NALF1: variants seen among roughly 807,000 people sequenced by gnomAD.
The protein encoded by NALF1 is NALCN channel auxiliary factor 1, also known as family with sequence similarity 155 member A.
In NALF1, 3 loss-of-function variants were observed where a neutral mutation model predicts 48.4. The ratio of observed to expected loss-of-function variants is 0.06; its 90% CI spans 0.03 to 0.16. NALF1 has a LOEUF of 0.16. NALF1 is among the 10% of genes least tolerant of loss of function. The probability of loss-of-function intolerance (pLI) is 1.00; values close to 1 mark genes in which losing one functional copy is unlikely to be tolerated. For missense variants in NALF1, 526 were observed against 571.5 expected (o/e 0.92, Z 0.81); for synonymous variants, 262 against 245.7 (o/e 1.07, Z -0.62).
intron 1 of NALF1, among the ~76,000 whole-genome samples, chr13:107,728,719 T>A (rs547258670): frequency 1.6e-4 from 24 of 151,182 alleles, no homozygotes; most frequent in African/African-American, 5.6e-4. Flanking sequence ...AATAAATAAA[T>A]AAAAAAGAAA....
Position 107,170,761 on chromosome 13 carries a change from A to T in NALF1, c.1113T>A (p.Asn371Lys). 1 of 1,614,194 alleles carries T rather than the reference A, an allele frequency of 6.2e-7. No individual in the cohort carries two copies. Among genetic ancestry groups the T allele is most frequent in the Non-Finnish European group, 8.5e-7 (1 of 1,180,034 alleles). Reference protein sequence around the residue: ...CTGLYETFLTNDEPECCDVRR... With the variant: ...CTGLYETFLTKDEPECCDVRR... ...TGACGTCACAGCATTCTGGTTCATCATTGGTTAGAAAGGTTTCATAAAGCC... is the reference window on the plus strand; with the variant it reads ...TGACGTCACAGCATTCTGGTTCATCTTTGGTTAGAAAGGTTTCATAAAGCC... The change falls in exon 3 of 3, where the codon AAT becomes AAA. Residue 371 changes from asparagine (N) to lysine (K), a missense_variant. Physicochemically the swap from Asn to Lys is moderately conservative, Grantham distance 94 (BLOSUM62 0). Transcript: ENST00000375915.
intron 1 of NALF1, among the ~76,000 whole-genome samples, chr13:107,482,809 C>T (rs961958444): frequency 2.0e-5 from 3 of 152,144 alleles, no homozygotes; most frequent in African/African-American, 7.2e-5. Flanking sequence ...AGTCCCAAAG[C>T]AGTTCCCTAG....
chr13:107,509,039 C>T (rs1875796539), intron 1 of NALF1, among the ~76,000 whole-genome samples: 1 of 151,966 alleles, frequency 6.6e-6, no homozygotes, highest in African/African-American at 2.4e-5. Context: ...CTAGTAAATT[C>T]AATTATAAAT....
intron 2 of NALF1, among the ~76,000 whole-genome samples, chr13:107,199,194 T>G (rs1247132468): frequency 6.6e-6 from 1 of 151,960 alleles, no homozygotes; most frequent in Non-Finnish European, 1.5e-5. Context: ...GAGAGGAAAT[T>G]TGGACACACA....
intron 1 of NALF1, among the ~76,000 whole-genome samples, chr13:107,485,087 G>T (rs1885308942): frequency 6.6e-6 from 1 of 152,080 alleles, no homozygotes; most frequent in Non-Finnish European, 1.5e-5. Context: ...TGATTTTTCA[G>T]CAAACTTCCT....
intron 2 of NALF1, among the ~76,000 whole-genome samples, chr13:107,180,268 A>C (rs1469807894): frequency 1.3e-5 from 2 of 152,102 alleles, no homozygotes; most frequent in Non-Finnish European, 2.9e-5. Flanking sequence ...AGGCATTACA[A>C]ATACTATGTA....
chr13:107,725,518 G>A (rs146901034), intron 1 of NALF1, among the ~76,000 whole-genome samples: 1,576 of 152,268 alleles, frequency 0.01, 8 homozygotes, highest in Non-Finnish European at 0.019. Context: ...GACCAGCCTG[G>A]CCAAAATATA....
intron 1 of NALF1, among the ~76,000 whole-genome samples, chr13:107,428,840 A>C (rs1215546457): frequency 6.6e-6 from 1 of 152,210 alleles, no homozygotes. Context: ...TCAGCTAATT[A>C]CAATCCTCCA....
At chr13:107,700,894 C>T (rs1182707873) in intron 1 of NALF1, among the ~76,000 whole-genome samples, 1 of 152,064 alleles carries the variant, frequency 6.6e-6, no homozygotes, top group Non-Finnish European at 1.5e-5. Flanking sequence ...AAAAGGTGCT[C>T]AACATCACTA....
chr13:107,547,999 G>T (rs1162738396), intron 1 of NALF1, among the ~76,000 whole-genome samples: 1 of 151,928 alleles, frequency 6.6e-6, no homozygotes, highest in Non-Finnish European at 1.5e-5. Context: ...TTAGGTTCAG[G>T]AGTGCACGTG....
At chr13:107,703,348 G>T (rs1881870037) in intron 1 of NALF1, among the ~76,000 whole-genome samples, 1 of 146,622 alleles carries the variant, frequency 6.8e-6, no homozygotes. Context: ...TGCCTTGCAT[G>T]TCTTCATTTG....
chr13:107,396,241 C>T (rs1883709592), intron 1 of NALF1, among the ~76,000 whole-genome samples: 1 of 152,116 alleles, frequency 6.6e-6, no homozygotes, highest in Non-Finnish European at 1.5e-5. Context: ...TCCTCACAGG[C>T]TGTATCTCCA....
At chr13:107,197,260 T>C (rs1391040759) in intron 2 of NALF1, among the ~76,000 whole-genome samples, 1 of 152,230 alleles carries the variant, frequency 6.6e-6, no homozygotes, top group African/African-American at 2.4e-5. Flanking sequence ...TCTTTGGTAT[T>C]CTGTCATAGC....
chr13:107,836,018 G>T (rs944744164), intron 1 of NALF1, among the ~76,000 whole-genome samples: 3 of 152,208 alleles, frequency 2.0e-5, no homozygotes, highest in African/African-American at 4.8e-5. Context: ...TTGAGACAGG[G>T]TCTTGCTCTG....
chr13:107,480,624 A>G (rs1451997771), intron 1 of NALF1, among the ~76,000 whole-genome samples: 1 of 152,188 alleles, frequency 6.6e-6, no homozygotes, highest in Admixed American at 6.5e-5. Flanking sequence ...ATGTTTTAGA[A>G]AGTTTACAAA....
intron 1 of NALF1, among the ~76,000 whole-genome samples, chr13:107,623,345 GA>G (rs2138442479): frequency 6.6e-6 from 1 of 151,820 alleles, no homozygotes; most frequent in Admixed American, 6.6e-5. Context: ...TTTCTTCATG[GA>G]AATATTGTTT....
chr13:107,542,755 G>A (rs1465656221), intron 1 of NALF1, among the ~76,000 whole-genome samples: 3 of 151,966 alleles, frequency 2.0e-5, no homozygotes, highest in Admixed American at 2.0e-4. Context: ...ATTCCATATG[G>A]CTACTCAGCA....
intron 1 of NALF1, among the ~76,000 whole-genome samples, chr13:107,377,145 G>A (rs1409229961): frequency 6.6e-6 from 1 of 152,198 alleles, no homozygotes; most frequent in Non-Finnish European, 1.5e-5. Context: ...CAGTGAAGAA[G>A]CAGCCATTGT....
At chr13:107,648,090 T>C (rs977876631) in intron 1 of NALF1, among the ~76,000 whole-genome samples, 6 of 152,150 alleles carry the variant, frequency 3.9e-5, no homozygotes, top group African/African-American at 1.2e-4. Flanking sequence ...GGGCAGAGTA[T>C]ACAGACAGTC....
Sources: gnomAD v4.1 joint callset for allele counts (sites outside exome capture counted in the v4.1 genomes callset) on GRCh38, gnomAD v4.1.1 for gene constraint, MANE v1.5 for transcripts, NCBI Gene and HGNC (gene_info 2026-07-23, HGNC 2026-07-21) for gene names.